The following CD109 variants were observed in gnomAD, a reference collection of about 807,000 sequenced individuals.
CD109 encodes CD109 antigen.
A neutral mutation model predicts 165.8 loss-of-function variants in CD109; 149 were observed. The observed-to-expected ratio is 0.90, with a 90% CI of 0.79 to 1.03. The LOEUF (loss-of-function observed/expected upper bound fraction) is 1.03, where lower values mean the gene tolerates loss of function less well. Among genes scored for constraint, CD109 ranks in the 50% least tolerant of loss-of-function variants. The pLI, the probability that CD109 is intolerant of heterozygous loss-of-function variation, is 0.00. For synonymous variants in CD109, 585 were observed against 592.1 expected (o/e 0.99, Z 0.18); for missense variants, 1,712 against 1,677.8 (o/e 1.02, Z -0.36).
intron 5 of CD109, among the ~76,000 whole-genome samples, chr6:73,748,441 C>T (rs1020252502): frequency 9.2e-5 from 14 of 152,226 alleles, no homozygotes; most frequent in African/African-American, 2.4e-5. Flanking sequence ...GATTTCATAA[C>T]TCTCTGTAAA....
the CD109 span, among the ~76,000 whole-genome samples, chr6:73,688,177 C>A: frequency 1.1e-3 from 105 of 92,418 alleles, no homozygotes; most frequent in African/African-American, 4.8e-3. Context: ...TTTTGGAAAA[C>A]ATACCTTTGC....
At chr6:73,790,940 C>T (rs1199689420) in intron 22 of CD109, among the ~76,000 whole-genome samples, 3 of 151,752 alleles carry the variant, frequency 2.0e-5, no homozygotes, top group Non-Finnish European at 2.9e-5. Flanking sequence ...TATAGTTGTG[C>T]TTTACAAATA....
chr6:73,811,016 C>T lies in CD109; in HGVS notation c.3571C>T (p.Leu1191=). 1.2e-6 allele frequency: 2 copies of T among 1,613,290 alleles called. No individual in the cohort carries two copies. Among genetic ancestry groups the T allele is most frequent in the Non-Finnish European group, 1.7e-6 (2 of 1,179,440 alleles). ...GGATACCACTGTGGCTTTAAAGGCT[C>T]TGTCTGAATTTGCAGCCCTAATGAA... ...TQDTTVALKA[L]SEFAALMNTE... The change falls in exon 28 of 33, where the codon CTG becomes TTG. Residue 1191 remains leucine (L), a synonymous_variant. Coordinates refer to ENST00000287097, the MANE Select transcript of CD109 (RefSeq NM_133493.5).
At chr6:73,700,029 G>A (rs1345997165) in intron 2 of CD109, among the ~76,000 whole-genome samples, 2 of 152,112 alleles carry the variant, frequency 1.3e-5, no homozygotes, top group Non-Finnish European at 2.9e-5. Context: ...ATCTGGATGT[G>A]GATTCATGTT....
At chr6:73,816,874 CT>C (rs1045534684) in intron 30 of CD109, among the ~76,000 whole-genome samples, 2 of 152,142 alleles carry the variant, frequency 1.3e-5, no homozygotes, top group Admixed American at 1.3e-4. Flanking sequence ...AGAATTCAGA[CT>C]GTGAAGAGGC....
chr6:73,700,790 G>GTTTTTTTTTTTTTTTTTTT (rs58140668), intron 2 of CD109, among the ~76,000 whole-genome samples: 1 of 51,448 alleles, frequency 1.9e-5, no homozygotes, highest in East Asian at 6.0e-4. Flanking sequence ...ATTGATTGTA[G>GTTTTTTTTTTTTTTTTTTT]TTTTTTTTTT....
Position 73,815,026 on chromosome 6 carries a change from C to T in CD109, c.3814C>T (p.Arg1272Ter), listed in dbSNP as rs200340875. 91 of 1,582,820 alleles carry T rather than the reference C, an allele frequency of 5.7e-5. 1 individual carries two copies. In the East Asian group the frequency reaches 6.3e-4, roughly 11 times the overall value. ...GAAGGCTTCTGGGTCTTCTAGAAGA[C>T]GAAGATCTATCCAAAATCAAGAAGC... is the stretch of plus-strand genomic sequence containing the variant. ...NVKASGSSRR[R>*]RSIQNQEAFD... Residue 1272 changes from arginine (R) to a stop codon, truncating the protein, a stop_gained, in exon 30 of 33, where the codon CGA becomes TGA. Coordinates refer to ENST00000287097, the MANE Select transcript of CD109 (RefSeq NM_133493.5). LOFTEE classifies it high-confidence loss of function.
At chr6:73,783,563 A>AT (rs1374208847) in intron 18 of CD109, 144 bp from the exon 19 acceptor site, 1 of 617,016 alleles carries the variant, frequency 1.6e-6, no homozygotes, top group African/African-American at 1.8e-5. Context: ...TTATACTTAA[A>AT]CCTTTTAAAT....
At chr6:73,756,519 T>C in intron 5 of CD109, 124 bp from the exon 6 acceptor site, 1 of 647,162 alleles carries the variant, frequency 1.5e-6, no homozygotes, top group Non-Finnish European at 2.6e-6. Context: ...AGTTTGTTCA[T>C]TGCATCATTA....
At chr6:73,818,680 A>T in intron 31 of CD109, 145 bp downstream of exon 31, 4 of 696,200 alleles carry the variant, frequency 5.7e-6, no homozygotes, top group Non-Finnish European at 9.3e-6. Context: ...GCAACCATAT[A>T]TTTATCTCCA....
At chr6:73,731,915 T>C (rs941809981) in intron 4 of CD109, among the ~76,000 whole-genome samples, 1 of 152,214 alleles carries the variant, frequency 6.6e-6, no homozygotes, top group African/African-American at 2.4e-5. Context: ...GAACCCCTTT[T>C]GAAAGGTAGT....
intron 5 of CD109, among the ~76,000 whole-genome samples, chr6:73,743,249 T>G (rs1452419991): frequency 6.6e-6 from 1 of 152,202 alleles, no homozygotes; most frequent in East Asian, 1.9e-4. Flanking sequence ...GATAATCATC[T>G]TTTCTATCTG....
At chr6:73,822,101 G>T (rs3012573) in intron 32 of CD109, among the ~76,000 whole-genome samples, 89,028 of 152,030 alleles carry the variant, frequency 0.59, 26,895 homozygotes, top group African/African-American at 0.74. Flanking sequence ...CTTCTTATTT[G>T]TATAAAATGA....
chr6:73,825,583 G>A lies in CD109; in HGVS notation c.*1950G>A, dbSNP rs936827074. ...TATTAGGAAACACTAGAATGGAAAG[G>A]CCATTGGAAGACAGGTTGTATCTTT... is the stretch of plus-strand genomic sequence containing the variant. On this transcript the variant is annotated 3_prime_UTR_variant, in exon 33 of 33. Coordinates refer to ENST00000287097, the MANE Select transcript of CD109 (RefSeq NM_133493.5). 2.6e-5 allele frequency: 4 copies of A among 152,140 alleles called. No homozygotes were observed. Among genetic ancestry groups the A allele is most frequent in the African/African-American group, 7.2e-5 (3 of 41,434 alleles). The allele number at this position is 152,140 out of a possible 1,614,324, so 9.4% of individuals were successfully genotyped here. A position where few individuals can be genotyped will look rare whatever the true frequency, so the allele number is the denominator to read the frequency against.
upstream of CD109, among the ~76,000 whole-genome samples, chr6:73,692,387 T>C (rs546423571): frequency 2.5e-4 from 38 of 152,300 alleles, no homozygotes; most frequent in South Asian, 7.3e-3. Flanking sequence ...TTTACTAAAA[T>C]AATATTATTA....
intron 31 of CD109, 53 bp downstream of exon 31, chr6:73,818,588 C>T: frequency 6.7e-7 from 1 of 1,503,390 alleles, no homozygotes; most frequent in Non-Finnish European, 9.1e-7. Flanking sequence ...GTTTTGTATT[C>T]AGGTGTCTAC....
At chr6:73,817,254 G>A (rs949891030) in intron 30 of CD109, among the ~76,000 whole-genome samples, 3 of 152,084 alleles carry the variant, frequency 2.0e-5, no homozygotes, top group African/African-American at 7.2e-5. Context: ...ATCAACCAAG[G>A]TACTTTTAAT....
intron 32 of CD109, among the ~76,000 whole-genome samples, chr6:73,820,860 G>A (rs896839550): frequency 3.3e-5 from 5 of 152,112 alleles, no homozygotes; most frequent in Admixed American, 2.6e-4. Context: ...GGCATATAGA[G>A]TCCAGTTATG....
chr6:73,793,248 C>T lies in CD109; in HGVS notation c.2878+446C>T, dbSNP rs1412722564. ...AGAAGATGGTTTGTATGTAAACAGA[C>T]GCAGTGCCGTGTGGTGGGGACCTTC... On this transcript the variant is annotated intron_variant, in intron 23 of 32. Transcript: ENST00000287097. Among the ~76,000 whole-genome samples the T allele has an allele frequency of 4.6e-5, 7 of 152,150 alleles. No individual in the cohort carries two copies. In the East Asian group the frequency reaches 7.7e-4, roughly 17 times the overall value.
Sources: allele counts gnomAD v4.1 joint callset (sites outside exome capture counted in the v4.1 genomes callset), GRCh38; gene constraint gnomAD v4.1.1; transcripts MANE v1.5; gene names NCBI Gene and HGNC (gene_info 2026-07-23, HGNC 2026-07-21).